COL25A1: variants seen among roughly 807,000 people sequenced by gnomAD.
COL25A1 encodes collagen type XXV alpha 1 chain.
COL25A1 carries 103 observed loss-of-function variants against 128.4 expected under a neutral mutation model. The ratio of observed to expected loss-of-function variants is 0.80; its 90% CI spans 0.68 to 0.94. The LOEUF is 0.94. COL25A1 is among the 40% of genes least tolerant of loss of function. COL25A1 has a pLI of 0.00. For synonymous variants in COL25A1, 279 were observed against 277.2 expected, an observed-to-expected ratio of 1.01 and a Z score of -0.06; for missense variants, 745 against 840.0, an observed-to-expected ratio of 0.89 and a Z score of 1.40.
intron 5 of COL25A1, among the ~76,000 whole-genome samples, chr4:109,024,277 T>C (rs1431549812): frequency 6.6e-6 from 1 of 152,128 alleles, no homozygotes; most frequent in Non-Finnish European, 1.5e-5. Context: ...AACCCCATCA[T>C]AAATTAAGGA....
At chr4:109,051,427 A>T (rs1760975113) in intron 3 of COL25A1, among the ~76,000 whole-genome samples, 1 of 152,206 alleles carries the variant, frequency 6.6e-6, no homozygotes, top group South Asian at 2.1e-4. Flanking sequence ...GCTTTGTAGC[A>T]AAGTCCAAAA....
At chr4:109,031,469 C>T (rs1167849015) in intron 5 of COL25A1, among the ~76,000 whole-genome samples, 2 of 152,102 alleles carry the variant, frequency 1.3e-5, no homozygotes, top group South Asian at 4.1e-4. Context: ...ACCATTCCTA[C>T]ATTTTCTGTA....
At chr4:109,025,352 T>G (rs1425081311) in intron 5 of COL25A1, among the ~76,000 whole-genome samples, 6 of 152,220 alleles carry the variant, frequency 3.9e-5, no homozygotes, top group Non-Finnish European at 8.8e-5. Flanking sequence ...TATTGAGTAA[T>G]TTGGTTTCTG....
chr4:109,154,122 G>T (rs1253639930), intron 3 of COL25A1, among the ~76,000 whole-genome samples: 1 of 152,050 alleles, frequency 6.6e-6, no homozygotes, highest in African/African-American at 2.4e-5. Context: ...ATCAAATCTA[G>T]GCTAAACATC....
intron 6 of COL25A1, among the ~76,000 whole-genome samples, chr4:109,002,283 C>T (rs760080578): frequency 2.0e-5 from 3 of 152,156 alleles, no homozygotes; most frequent in Non-Finnish European, 4.4e-5. Flanking sequence ...CAGCATTTCT[C>T]ACAATAGTCA....
intron 5 of COL25A1, among the ~76,000 whole-genome samples, chr4:109,013,741 G>A (rs537610827): frequency 1.3e-5 from 2 of 152,196 alleles, no homozygotes; most frequent in East Asian, 1.9e-4. Flanking sequence ...CGAAGCCAGC[G>A]AGACCACGAA....
chr4:109,035,770 A>G (rs1021386015), intron 5 of COL25A1, among the ~76,000 whole-genome samples: 4 of 152,128 alleles, frequency 2.6e-5, no homozygotes, highest in Non-Finnish European at 5.9e-5. Flanking sequence ...ATAAATTATG[A>G]TATTTGTACA....
chr4:109,078,359 A>G (rs1027664110), intron 3 of COL25A1, among the ~76,000 whole-genome samples: 11 of 152,198 alleles, frequency 7.2e-5, no homozygotes, highest in Non-Finnish European at 1.5e-5. Context: ...TTTCAGCAGT[A>G]CTTTATATAA....
intron 8 of COL25A1, among the ~76,000 whole-genome samples, chr4:108,948,555 CTA>C (rs1471984108): frequency 8.4e-6 from 1 of 119,130 alleles, no homozygotes; most frequent in Non-Finnish European, 1.9e-5. Flanking sequence ...CTTTTTTTGT[CTA>C]TAAATGATAA....
intron 3 of COL25A1, among the ~76,000 whole-genome samples, chr4:109,250,990 G>C (rs751046274): frequency 6.6e-6 from 1 of 152,166 alleles, no homozygotes; most frequent in African/African-American, 2.4e-5. Context: ...AGAAGAGGAT[G>C]TAAAGTCCTT....
At chr4:109,101,800 C>G (rs1359375005) in intron 3 of COL25A1, among the ~76,000 whole-genome samples, 1 of 152,274 alleles carries the variant, frequency 6.6e-6, no homozygotes, top group Non-Finnish European at 1.5e-5. Flanking sequence ...AAGCAAAGAC[C>G]CTTTCAATGC....
In COL25A1 at chr4:108,813,141, A is replaced by G. The variant is rs1730939686; in HGVS notation, c.*786T>C. ...ATGTCTTCACTGCCAAGGGCAGCCC[A>G]AGGAAAACTGGTGGCAGCAACAGGC... is the stretch of plus-strand genomic sequence containing the variant. On this transcript the variant is annotated 3_prime_UTR_variant, in exon 38 of 38. Transcript: ENST00000399132. The G allele has an allele frequency of 6.6e-6, 1 of 152,242 alleles. No individual in the cohort carries two copies. The allele number at this position is 152,242 out of a possible 1,614,324, so 9.4% of individuals were successfully genotyped here.
At chr4:108,942,988 T>G (rs1426992600) in intron 8 of COL25A1, among the ~76,000 whole-genome samples, 2 of 152,052 alleles carry the variant, frequency 1.3e-5, no homozygotes, top group African/African-American at 4.8e-5. Context: ...ACTCCTGACC[T>G]CAAGGGATCT....
intron 3 of COL25A1, among the ~76,000 whole-genome samples, chr4:109,211,317 TATATATATATA>T (rs1777538135): frequency 1.1e-5 from 1 of 92,712 alleles, no homozygotes; most frequent in African/African-American, 5.4e-5. Flanking sequence ...TATATATATA[TATATATATATA>T]TGAAACAATT....
chr4:109,017,816 C>A (rs1467753691), intron 5 of COL25A1, among the ~76,000 whole-genome samples: 1 of 152,132 alleles, frequency 6.6e-6, no homozygotes, highest in Non-Finnish European at 1.5e-5. Flanking sequence ...AAAGGTACTA[C>A]CTCTGTTTCA....
chr4:109,223,707 T>C (rs958636702), intron 3 of COL25A1, among the ~76,000 whole-genome samples: 4 of 152,068 alleles, frequency 2.6e-5, no homozygotes, highest in African/African-American at 9.7e-5. Context: ...GTGTGCCCTA[T>C]CTGCTGCATT....
intron 3 of COL25A1, among the ~76,000 whole-genome samples, chr4:109,139,088 C>T (rs1371723149): frequency 6.6e-6 from 1 of 152,060 alleles, no homozygotes; most frequent in Non-Finnish European, 1.5e-5. Context: ...AGCTTTTTTT[C>T]ATATGTCTGT....
intron 3 of COL25A1, among the ~76,000 whole-genome samples, chr4:109,269,119 T>G (rs1443652346): frequency 4.0e-4 from 54 of 135,754 alleles, no homozygotes; most frequent in Non-Finnish European, 1.4e-4. Flanking sequence ...AGTGTGATGT[T>G]CCCCTTCCTG....
At chr4:108,959,587 A>G (rs1230155833) in intron 8 of COL25A1, among the ~76,000 whole-genome samples, 1 of 152,198 alleles carries the variant, frequency 6.6e-6, no homozygotes, top group Non-Finnish European at 1.5e-5. Context: ...CTGTTGGCAC[A>G]TGCCATTACA....
Sources: gnomAD v4.1 joint callset for allele counts (sites outside exome capture counted in the v4.1 genomes callset) on GRCh38, gnomAD v4.1.1 for gene constraint, MANE v1.5 for transcripts, NCBI Gene and HGNC (gene_info 2026-07-23, HGNC 2026-07-21) for gene names.